The following AK9 variants were observed in gnomAD, a reference collection of about 807,000 sequenced individuals.
The protein encoded by AK9 is adenylate kinase 9.
Under a neutral mutation model 239.6 loss-of-function variants are expected in AK9, and 191 were observed. That is an observed-to-expected ratio of 0.80 (90% CI 0.71 to 0.90). The LOEUF is 0.90. Ranked by LOEUF, AK9 falls within the 40% of genes least tolerant of loss-of-function variation. The probability of loss-of-function intolerance (pLI) is 0.00; values close to 1 mark genes in which losing one functional copy is unlikely to be tolerated. For missense variants in AK9, 1,995 were observed against 2,214.7 expected (o/e 0.90, Z 1.99); for synonymous variants, 689 against 721.0 (o/e 0.96, Z 0.71).
At chr6:109,648,200 A>T (rs1415781322) in intron 8 of AK9, among the ~76,000 whole-genome samples, 1 of 152,160 alleles carries the variant, frequency 6.6e-6, no homozygotes, top group Non-Finnish European at 1.5e-5. Context: ...AAGAGCAAAC[A>T]CATTGAAAAG....
Position 109,656,832 on chromosome 6 carries a change from T to C in AK9, c.683A>G (p.Gln228Arg). ...MVAEILHHLV[Q>R]RPEDYLENVE... ...ATTTTCCAAATAATCTTCAGGCCTC[T>C]GAACTAGATGATGAAGAATTTCAGC... The change falls in exon 8 of 41, where the codon CAG (glutamine) becomes CGG (arginine). Residue 228 changes from glutamine to arginine, a missense_variant. This residue lies in a region of AK9 where 17 missense variants were observed against 39.1 expected (regional missense o/e 0.43). Coordinates refer to ENST00000424296, the MANE Select transcript of AK9 (RefSeq NM_001145128.3). 6.2e-7 allele frequency: 1 copy of C among 1,612,230 alleles called. No individual in the cohort carries two copies.
chr6:109,589,823 A>T (rs1789984497), intron 17 of AK9, among the ~76,000 whole-genome samples: 1 of 152,032 alleles, frequency 6.6e-6, no homozygotes, highest in Non-Finnish European at 1.5e-5. Flanking sequence ...TGATGTTATC[A>T]CATAGTTTTT....
chr6:109,680,519 G>A (rs1772459474), intron 1 of AK9, among the ~76,000 whole-genome samples: 1 of 152,180 alleles, frequency 6.6e-6, no homozygotes, highest in African/African-American at 2.4e-5. Context: ...GAATCAAGTT[G>A]GAAAACACTC....
At chr6:109,554,525 CTTTTTTTT>C (rs3060760) in intron 24 of AK9, among the ~76,000 whole-genome samples, 7 of 77,444 alleles carry the variant, frequency 9.0e-5, no homozygotes, top group South Asian at 5.8e-4. Context: ...TATTTCTTTT[CTTTTTTTT>C]TTTTTTTTTT....
chr6:109,584,398 T>G (rs934731539), intron 19 of AK9, among the ~76,000 whole-genome samples: 1 of 152,134 alleles, frequency 6.6e-6, no homozygotes, highest in Non-Finnish European at 1.5e-5. Context: ...AAAATTTAAT[T>G]CTTAAATGTC....
At chr6:109,681,294 T>C (rs1051805826) in intron 1 of AK9, among the ~76,000 whole-genome samples, 7 of 152,144 alleles carry the variant, frequency 4.6e-5, no homozygotes, top group Admixed American at 1.3e-4. Flanking sequence ...GGAGTTGCAA[T>C]CCTAATCTCT....
chr6:109,589,893 C>T (rs1292113568), intron 17 of AK9, among the ~76,000 whole-genome samples: 3 of 152,114 alleles, frequency 2.0e-5, no homozygotes, highest in Admixed American at 2.0e-4. Flanking sequence ...GCTGAACCAA[C>T]CTTGCATCTC....
intron 28 of AK9, among the ~76,000 whole-genome samples, chr6:109,529,773 G>T (rs1218585529): frequency 6.6e-6 from 1 of 152,120 alleles, no homozygotes; most frequent in Non-Finnish European, 1.5e-5. Context: ...AATACGGTTT[G>T]TGCTCCTATA....
intron 8 of AK9, among the ~76,000 whole-genome samples, chr6:109,646,871 T>A (rs1034887482): frequency 1.3e-5 from 2 of 152,170 alleles, no homozygotes; most frequent in Non-Finnish European, 2.9e-5. Flanking sequence ...GAGAAGCCCA[T>A]CAGACTAACA....
At chr6:109,535,095 A>T (rs1781801959) in intron 27 of AK9, among the ~76,000 whole-genome samples, 1 of 152,228 alleles carries the variant, frequency 6.6e-6, no homozygotes, top group Non-Finnish European at 1.5e-5. Context: ...TAGCAGCATG[A>T]TTTATAATCC....
chr6:109,560,717 C>T (rs944733879), intron 24 of AK9, among the ~76,000 whole-genome samples: 18 of 152,060 alleles, frequency 1.2e-4, no homozygotes, highest in African/African-American at 4.1e-4. Flanking sequence ...TGTTAGACTG[C>T]AGTTTGTTTT....
intron 31 of AK9, among the ~76,000 whole-genome samples, chr6:109,514,932 C>A (rs1440123023): frequency 6.6e-6 from 1 of 152,100 alleles, no homozygotes; most frequent in Non-Finnish European, 1.5e-5. Context: ...AAGGATGGAA[C>A]CTGAATCTGG....
chr6:109,665,807 C>T (rs567301637), intron 5 of AK9, among the ~76,000 whole-genome samples: 106 of 152,318 alleles, frequency 7.0e-4, no homozygotes, highest in African/African-American at 2.4e-3. Context: ...CCTGCCATTC[C>T]CTATGCTGGT....
intron 1 of AK9, among the ~76,000 whole-genome samples, chr6:109,679,462 T>G (rs970633685): frequency 6.6e-6 from 1 of 152,014 alleles, no homozygotes; most frequent in Non-Finnish European, 1.5e-5. Context: ...AGTCAGGGGC[T>G]TATAGATAAA....
At chr6:109,677,608 AAGGAGGC>A (rs1167360833) in intron 1 of AK9, among the ~76,000 whole-genome samples, 15 of 152,186 alleles carry the variant, frequency 9.9e-5, no homozygotes, top group Non-Finnish European at 2.9e-5. Flanking sequence ...AAATATGATA[AAGGAGGC>A]ATTTAAAATT....
intron 17 of AK9, among the ~76,000 whole-genome samples, chr6:109,599,494 G>C (rs1254531220): frequency 6.6e-6 from 1 of 152,246 alleles, no homozygotes; most frequent in African/African-American, 2.4e-5. Flanking sequence ...AGTATAGTTT[G>C]AAGTCAGGTA....
At chr6:109,583,669 A>G (rs1789133583) in intron 19 of AK9, among the ~76,000 whole-genome samples, 1 of 152,146 alleles carries the variant, frequency 6.6e-6, no homozygotes, top group South Asian at 2.1e-4. Flanking sequence ...TTTAGAATCA[A>G]AAGAAGTAAA....
chr6:109,597,704 T>G (rs1032561116), intron 17 of AK9, among the ~76,000 whole-genome samples: 1 of 151,984 alleles, frequency 6.6e-6, no homozygotes, highest in Non-Finnish European at 1.5e-5. Context: ...CAACCTCAAT[T>G]CTTGCCTGCT....
intron 33 of AK9, among the ~76,000 whole-genome samples, chr6:109,507,780 C>T (rs1482973403): frequency 6.6e-6 from 1 of 152,196 alleles, no homozygotes; most frequent in Non-Finnish European, 1.5e-5. Context: ...TGTGGATGAA[C>T]TGTAACCTAG....
Sources: allele counts gnomAD v4.1 joint callset (sites outside exome capture counted in the v4.1 genomes callset), GRCh38; gene constraint gnomAD v4.1.1; regional missense constraint gnomAD v4.1.1; transcripts MANE v1.5; gene names NCBI Gene and HGNC (gene_info 2026-07-23, HGNC 2026-07-21).